Variants in SOX6 observed in about 807,000 individuals in gnomAD.
SOX6 encodes SRY-box transcription factor 6, also known as transcription factor SOX-6.
SOX6 carries 11 observed loss-of-function variants against 97.8 expected under a neutral mutation model. That is an observed-to-expected ratio of 0.11 (90% CI 0.07 to 0.19). The LOEUF (loss-of-function observed/expected upper bound fraction) is 0.19. Among genes scored for constraint, SOX6 ranks in the 10% least tolerant of loss-of-function variants. The pLI is 1.00. For missense variants in SOX6, 810 were observed against 1,039.5 expected (o/e 0.78, Z 3.04); for synonymous variants, 360 against 371.4 (o/e 0.97, Z 0.35).
intron 4 of SOX6, among the ~76,000 whole-genome samples, chr11:16,559,559 C>T (rs1287965332): frequency 6.6e-6 from 1 of 151,600 alleles, no homozygotes; most frequent in Non-Finnish European, 1.5e-5. Context: ...GTGTTATAGA[C>T]TGAAAAAAGT....
intron 3 of SOX6, among the ~76,000 whole-genome samples, chr11:16,283,087 T>TTTTATATATATA (rs1565068478): frequency 1.7e-4 from 3 of 17,212 alleles, no homozygotes; most frequent in Admixed American, 9.7e-4. Flanking sequence ...TATATATAAT[T>TTTTATATATATA]TGTATATATA....
intron 1 of SOX6, among the ~76,000 whole-genome samples, chr11:16,417,586 G>A (rs1216513122): frequency 6.6e-6 from 1 of 151,872 alleles, no homozygotes; most frequent in Non-Finnish European, 1.5e-5. Flanking sequence ...AGTAAGAAAA[G>A]GAAAATATTT....
At chr11:16,016,392 C>A (rs911725219) in intron 12 of SOX6, among the ~76,000 whole-genome samples, 1 of 151,980 alleles carries the variant, frequency 6.6e-6, no homozygotes, top group East Asian at 1.9e-4. Context: ...AGATTTGCAA[C>A]AAAAATTACA....
At chr11:16,293,204 C>T (rs137858650) in intron 3 of SOX6, among the ~76,000 whole-genome samples, 1 of 152,226 alleles carries the variant, frequency 6.6e-6, no homozygotes, top group Non-Finnish European at 1.5e-5. Flanking sequence ...TGTTCTCACA[C>T]TGAATAATAT....
chr11:16,003,684 C>T (rs1330407240), intron 13 of SOX6, among the ~76,000 whole-genome samples: 1 of 152,098 alleles, frequency 6.6e-6, no homozygotes, highest in Non-Finnish European at 1.5e-5. Flanking sequence ...CTAATGCCCA[C>T]ATGTTCTATT....
At chr11:16,040,251 T>G (rs1855624849) in intron 12 of SOX6, among the ~76,000 whole-genome samples, 1 of 152,052 alleles carries the variant, frequency 6.6e-6, no homozygotes, top group Admixed American at 6.6e-5. Flanking sequence ...TATATATAAA[T>G]TCTCACCATT....
chr11:16,490,253 A>T (rs1383574317), intron 4 of SOX6, among the ~76,000 whole-genome samples: 1 of 152,066 alleles, frequency 6.6e-6, no homozygotes, highest in Non-Finnish European at 1.5e-5. Flanking sequence ...TTTTATTTAC[A>T]AGAACAGGTA....
chr11:16,566,073 G>A (rs1847870542), intron 4 of SOX6, among the ~76,000 whole-genome samples: 1 of 147,946 alleles, frequency 6.8e-6, no homozygotes, highest in Non-Finnish European at 1.5e-5. Flanking sequence ...TCCAGCCTAG[G>A]TGACAGAGCG....
intron 3 of SOX6, among the ~76,000 whole-genome samples, chr11:16,701,505 C>G (rs2134041579): frequency 6.6e-6 from 1 of 152,054 alleles, no homozygotes; most frequent in Middle Eastern, 3.4e-3. Flanking sequence ...AAATAGAAAA[C>G]CAATATGGAA....
intron 15 of SOX6, among the ~76,000 whole-genome samples, chr11:15,981,987 G>C (rs1853668801): frequency 6.6e-6 from 1 of 151,974 alleles, no homozygotes; most frequent in Non-Finnish European, 1.5e-5. Flanking sequence ...ACTGGTTAGA[G>C]AGAGATTAAA....
intron 4 of SOX6, among the ~76,000 whole-genome samples, chr11:16,586,151 A>T (rs2133970129): frequency 6.6e-6 from 1 of 152,350 alleles, no homozygotes; most frequent in East Asian, 1.9e-4. Context: ...TAAAAGGCCC[A>T]GTTCTTGCTT....
chr11:16,422,973 AT>A (rs1230276754), intron 1 of SOX6, among the ~76,000 whole-genome samples: 2 of 152,078 alleles, frequency 1.3e-5, no homozygotes, highest in African/African-American at 4.8e-5. Flanking sequence ...TATTCTTCTA[AT>A]ATCAGATTAT....
At chr11:16,144,301 A>G (rs1850230149) in intron 6 of SOX6, among the ~76,000 whole-genome samples, 1 of 152,212 alleles carries the variant, frequency 6.6e-6, no homozygotes. Context: ...CTTTGAAACC[A>G]ATGAGAACAA....
intron 11 of SOX6, among the ~76,000 whole-genome samples, chr11:16,049,322 G>A (rs769311755): frequency 2.6e-5 from 4 of 152,060 alleles, no homozygotes; most frequent in Admixed American, 6.5e-5. Flanking sequence ...CTTGAAGTGT[G>A]TCATTCACAT....
intron 1 of SOX6, among the ~76,000 whole-genome samples, chr11:16,381,348 C>G (rs1378378213): frequency 6.6e-6 from 1 of 151,834 alleles, no homozygotes; most frequent in Non-Finnish European, 1.5e-5. Flanking sequence ...TAACTAATCA[C>G]CCAGTTGCAC....
intron 3 of SOX6, among the ~76,000 whole-genome samples, chr11:16,254,267 G>C (rs956695007): frequency 6.6e-6 from 1 of 151,884 alleles, no homozygotes; most frequent in Non-Finnish European, 1.5e-5. Flanking sequence ...CATACAAAAA[G>C]GAAGAGCATT....
At chr11:16,663,046 A>C (rs941111105) in intron 3 of SOX6, among the ~76,000 whole-genome samples, 1 of 152,160 alleles carries the variant, frequency 6.6e-6, no homozygotes, top group African/African-American at 2.4e-5. Context: ...TCAGTTAAAA[A>C]AAAAAAGAAA....
chr11:16,501,382 T>C lies in SOX6; in HGVS notation n.610-24994A>G, dbSNP rs535528423. Among the ~76,000 whole-genome samples the C allele has an allele frequency of 2.6e-5, 4 of 152,254 alleles. No homozygotes were observed. The South Asian group carries it at 8.3e-4, about 32-fold the overall frequency. On this transcript the variant is annotated intron_variant and non_coding_transcript_variant, in intron 4 of 5. Coordinates refer to the SOX6 transcript ENST00000524520. The stretch of plus-strand genomic sequence containing the variant: ...CTAGAAGAAAACCTAGGCAATACCA[T>C]TCAGGACATAGGCATGGGCAAGAAC...
At chr11:16,431,222 T>C (rs762464453) in intron 1 of SOX6, among the ~76,000 whole-genome samples, 1 of 152,136 alleles carries the variant, frequency 6.6e-6, no homozygotes, top group Non-Finnish European at 1.5e-5. Flanking sequence ...CCATGCTTCA[T>C]ATCACTCATC....
Sources: gnomAD v4.1 joint callset for allele counts (sites outside exome capture counted in the v4.1 genomes callset) on GRCh38, gnomAD v4.1.1 for gene constraint, MANE v1.5 for transcripts, NCBI Gene and HGNC (gene_info 2026-07-23, HGNC 2026-07-21) for gene names.